Variants in GAS7 observed in about 807,000 individuals in gnomAD.
GAS7 encodes the protein growth arrest-specific protein 7.
Under a neutral mutation model 71.1 loss-of-function variants are expected in GAS7, and 28 were observed. That is an observed-to-expected ratio of 0.39 (90% CI 0.29 to 0.54). GAS7 has a LOEUF of 0.54. GAS7 is among the 20% of genes least tolerant of loss of function. The pLI is 0.62. For synonymous variants in GAS7, 258 were observed against 245.8 expected, an observed-to-expected ratio of 1.05 and a Z score of -0.46; for missense variants, 436 against 627.8, an observed-to-expected ratio of 0.69 and a Z score of 3.27.
At chr17:10,045,150 T>C (rs536032956) in intron 1 of GAS7, among the ~76,000 whole-genome samples, 52 of 151,188 alleles carry the variant, frequency 3.4e-4, no homozygotes, top group African/African-American at 1.1e-3. Flanking sequence ...GGAAGAGTGA[T>C]GGGTGTAGAC....
At chr17:10,134,366 T>C (rs1194883308) in intron 1 of GAS7, among the ~76,000 whole-genome samples, 1 of 152,174 alleles carries the variant, frequency 6.6e-6, no homozygotes, top group Non-Finnish European at 1.5e-5. Flanking sequence ...CTCTGGGCTA[T>C]TGTGAACAGG....
chr17:10,149,120 T>C (rs181908975), intron 1 of GAS7, among the ~76,000 whole-genome samples: 34 of 152,288 alleles, frequency 2.2e-4, no homozygotes, highest in African/African-American at 7.9e-4. Context: ...TCATTTATTT[T>C]GAAACAGAGT....
At chr17:9,983,017 T>C (rs1487233613) in intron 2 of GAS7, among the ~76,000 whole-genome samples, 1 of 151,806 alleles carries the variant, frequency 6.6e-6, no homozygotes, top group Non-Finnish European at 1.5e-5. Context: ...TACATACAAT[T>C]TGATAATGCA....
intron 5 of GAS7, among the ~76,000 whole-genome samples, chr17:9,957,506 A>G (rs2069292962): frequency 6.6e-6 from 1 of 152,248 alleles, no homozygotes; most frequent in Non-Finnish European, 1.5e-5. Context: ...CCTCCACGAC[A>G]TAACACTCTG....
chr17:9,959,268 G>A lies in GAS7; in HGVS notation c.472-13C>T. 6.2e-7 allele frequency: 1 copy of A among 1,614,026 alleles called. No homozygotes were observed. The highest frequency in any genetic ancestry group is 8.5e-7 in the Non-Finnish European group (1 of 1,179,884). The stretch of plus-strand genomic sequence containing the variant: ...AGGATCCCAGGTTCTGGGGAGAGAG[G>A]CAAGAAACATCGTCAAAGCTGTTCT... On this transcript the variant is annotated splice_polypyrimidine_tract_variant and intron_variant, in intron 4 of 13. Transcript: ENST00000432992. The surrounding 1 kb of genome is among the most constrained non-coding windows in gnomAD (Gnocchi z 5.0).
chr17:10,067,254 C>CT (rs1460045990), intron 1 of GAS7, among the ~76,000 whole-genome samples: 2 of 151,310 alleles, frequency 1.3e-5, no homozygotes, highest in South Asian at 2.1e-4. Flanking sequence ...TGTCCCACTT[C>CT]TTTTTTTTGA....
Position 9,959,497 on chromosome 17 carries a change from C to T in GAS7, c.472-242G>A. 2 of 1,363,716 alleles carry T rather than the reference C, an allele frequency of 1.5e-6. No homozygotes were observed. The highest frequency in any genetic ancestry group is 1.9e-6 in the Non-Finnish European group (2 of 1,053,548). The allele number at this position is 1,363,716 out of a possible 1,614,324, so 84.5% of individuals were successfully genotyped here. On this transcript the variant is annotated intron_variant, in intron 4 of 13. Coordinates refer to ENST00000432992, the MANE Select transcript of GAS7 (RefSeq NM_201433.2). The surrounding 1 kb of genome is among the most constrained non-coding windows in gnomAD (Gnocchi z 5.0). Reference sequence around the variant, plus strand: ...TCCTGCACAGGCTCTGAGAGAACTGCTCCAAACCAGGTCTCCCCTCCTCTT... The same window carrying T: ...TCCTGCACAGGCTCTGAGAGAACTGTTCCAAACCAGGTCTCCCCTCCTCTT...
intron 2 of GAS7, among the ~76,000 whole-genome samples, chr17:9,990,574 G>T (rs1445679799): frequency 6.6e-6 from 1 of 152,172 alleles, no homozygotes; most frequent in Non-Finnish European, 1.5e-5. Context: ...CAGAGGGAAG[G>T]AGCAAGCCAC....
chr17:10,037,174 A>G (rs779567809), intron 1 of GAS7, among the ~76,000 whole-genome samples: 3 of 152,254 alleles, frequency 2.0e-5, no homozygotes, highest in Non-Finnish European at 4.4e-5. Flanking sequence ...GATAACGAAC[A>G]AAGACAGGCT....
At chr17:9,928,781 G>C (rs1225320552) in intron 9 of GAS7, among the ~76,000 whole-genome samples, 1 of 152,212 alleles carries the variant, frequency 6.6e-6, no homozygotes, top group African/African-American at 2.4e-5. Context: ...CCCCATCTGG[G>C]TTGAGCACTG....
At chr17:10,078,051 T>TG (rs1169715669) in intron 1 of GAS7, among the ~76,000 whole-genome samples, 2 of 120,476 alleles carry the variant, frequency 1.7e-5, no homozygotes, top group Admixed American at 8.8e-5. Flanking sequence ...TTGTTTTTTC[T>TG]GTTGTGTGTG....
At chr17:10,093,686 C>T (rs1380449194) in intron 1 of GAS7, among the ~76,000 whole-genome samples, 1 of 151,900 alleles carries the variant, frequency 6.6e-6, no homozygotes, top group Non-Finnish European at 1.5e-5. Context: ...AGTTGTTATG[C>T]GGGGAAAAAA....
In GAS7 at chr17:9,917,218, A is replaced by T. The variant is rs763026545; in HGVS notation, c.*10T>A. ...CCCCAGCAGGACCCCCCGAAGCTGCACAGGCCCATCTAGATCTCCATGTCC... is the reference window on the plus strand; with the variant it reads ...CCCCAGCAGGACCCCCCGAAGCTGCTCAGGCCCATCTAGATCTCCATGTCC... On this transcript the variant is annotated 3_prime_UTR_variant, in exon 14 of 14. Transcript: ENST00000432992. The T allele has an allele frequency of 2.2e-6, 3 of 1,379,532 alleles. No homozygotes were observed. The highest frequency in any genetic ancestry group is 3.1e-6 in the Non-Finnish European group (3 of 965,900). The allele number at this position is 1,379,532 out of a possible 1,614,324, so 85.5% of individuals were successfully genotyped here. A position where few individuals can be genotyped will look rare whatever the true frequency, so the allele number is the denominator to read the frequency against.
chr17:9,921,820 G>A (rs377123841), intron 11 of GAS7, among the ~76,000 whole-genome samples: 1 of 152,016 alleles, frequency 6.6e-6, no homozygotes, highest in African/African-American at 2.4e-5. Context: ...TTAGCCAGGC[G>A]TGGTGGCAGG....
At chr17:9,984,316 T>C (rs1034307450) in intron 2 of GAS7, among the ~76,000 whole-genome samples, 7 of 152,020 alleles carry the variant, frequency 4.6e-5, no homozygotes, top group Admixed American at 1.3e-4. Flanking sequence ...CTAGGTGTGA[T>C]TGGTGGTCTC....
In GAS7 at chr17:9,926,798, G is replaced by A. The variant is rs1201163698; in HGVS notation, c.886-29C>T. On this transcript the variant is annotated intron_variant, in intron 9 of 13. Coordinates refer to ENST00000432992, the MANE Select transcript of GAS7 (RefSeq NM_201433.2). This position sits in a 1 kb window ranked among gnomAD's most constrained non-coding sequence, Gnocchi z 5.0. The stretch of plus-strand genomic sequence containing the variant: ...TTGGGAGAGTAGAGACGCACACTCA[G>A]GACCCAGGGCATCAGCTGTAAGCCA... The A allele has an allele frequency of 2.5e-6, 4 of 1,613,534 alleles. No homozygotes were observed. The highest frequency in any genetic ancestry group is 3.4e-6 in the Non-Finnish European group (4 of 1,179,554).
intron 1 of GAS7, among the ~76,000 whole-genome samples, chr17:10,127,076 A>G (rs1371086426): frequency 1.3e-5 from 2 of 152,144 alleles, no homozygotes; most frequent in South Asian, 2.1e-4. Flanking sequence ...GTTAGTTTAA[A>G]TCAATTGGCA....
chr17:10,005,315 A>G (rs554714234), intron 2 of GAS7, among the ~76,000 whole-genome samples: 61 of 148,388 alleles, frequency 4.1e-4, no homozygotes, highest in Non-Finnish European at 8.3e-4. Flanking sequence ...ATATATACAC[A>G]CACATATATA....
At chr17:10,030,221 A>T (rs2072580729) in intron 1 of GAS7, among the ~76,000 whole-genome samples, 1 of 152,210 alleles carries the variant, frequency 6.6e-6, no homozygotes, top group East Asian at 1.9e-4. Context: ...CCGAGGGGGC[A>T]GTCAGCTTCC....
Sources: allele counts gnomAD v4.1 joint callset (sites outside exome capture counted in the v4.1 genomes callset), GRCh38; gene constraint gnomAD v4.1.1; non-coding constraint Gnocchi (gnomAD v3.1); transcripts MANE v1.5; gene names NCBI Gene and HGNC (gene_info 2026-07-23, HGNC 2026-07-21).